The following ARID2 variants were observed in gnomAD, a reference collection of about 807,000 sequenced individuals.
ARID2 encodes the protein AT-rich interactive domain-containing protein 2.
In ARID2, 32 loss-of-function variants were observed where a neutral mutation model predicts 184.6. That is an observed-to-expected ratio of 0.17 (90% CI 0.13 to 0.23). ARID2 has a LOEUF of 0.23. ARID2 is among the 10% of genes least tolerant of loss of function. The pLI, the probability that ARID2 is intolerant of heterozygous loss-of-function variation, is 1.00. For missense variants in ARID2, 1,696 were observed against 2,197.6 expected (o/e 0.77, Z 4.56); for synonymous variants, 836 against 772.6 (o/e 1.08, Z -1.36).
At chr12:45,772,176 A>C (rs1941890638) in intron 3 of ARID2, among the ~76,000 whole-genome samples, 1 of 152,258 alleles carries the variant, frequency 6.6e-6, no homozygotes, top group Non-Finnish European at 1.5e-5. Context: ...AGAAAGCAAT[A>C]AAGAAGGAGG....
chr12:45,837,036 C>A, intron 8 of ARID2, 45 bp downstream of exon 8: 2 of 1,575,132 alleles, frequency 1.3e-6, no homozygotes, highest in Middle Eastern at 1.7e-4. Flanking sequence ...TAGTTAGCAA[C>A]ATTTATGTTA....
At chr12:45,828,339 G>T (rs11183216) in intron 6 of ARID2, among the ~76,000 whole-genome samples, 3,209 of 152,134 alleles carry the variant, frequency 0.021, 120 homozygotes, top group African/African-American at 0.073. Flanking sequence ...TACATTGCAT[G>T]AATATGCAGC....
intron 4 of ARID2, among the ~76,000 whole-genome samples, chr12:45,814,106 T>C (rs1942761961): frequency 6.6e-6 from 1 of 152,160 alleles, no homozygotes; most frequent in Non-Finnish European, 1.5e-5. Context: ...AAGGAAGATA[T>C]AAAAATTTTT....
intron 3 of ARID2, among the ~76,000 whole-genome samples, chr12:45,767,605 G>A: frequency 6.6e-6 from 1 of 152,168 alleles, no homozygotes; most frequent in East Asian, 1.9e-4. Flanking sequence ...GAGGCAGGAG[G>A]ATCACTTGAG....
intron 15 of ARID2, among the ~76,000 whole-genome samples, chr12:45,854,941 T>C (rs1592123627): frequency 1.3e-5 from 2 of 152,316 alleles, no homozygotes; most frequent in South Asian, 4.1e-4. Context: ...CCAACTAATA[T>C]GAGGTGGTAC....
intron 15 of ARID2, among the ~76,000 whole-genome samples, chr12:45,858,226 A>C (rs1168899121): frequency 6.6e-6 from 1 of 152,038 alleles, no homozygotes. Flanking sequence ...CATCCTGTTT[A>C]TCTCAACCAT....
chr12:45,797,433 C>T (rs902804313), intron 3 of ARID2, among the ~76,000 whole-genome samples: 1 of 152,150 alleles, frequency 6.6e-6, no homozygotes, highest in African/African-American at 2.4e-5. Context: ...TGGGTTTCGC[C>T]ATGTTGGCTA....
At chr12:45,865,590 C>A (rs1943819111) in intron 16 of ARID2, among the ~76,000 whole-genome samples, 1 of 151,988 alleles carries the variant, frequency 6.6e-6, no homozygotes, top group Non-Finnish European at 1.5e-5. Context: ...GGAAGGCTTT[C>A]TCTGTGCCCA....
intron 3 of ARID2, among the ~76,000 whole-genome samples, chr12:45,778,959 G>A (rs1371479658): frequency 6.6e-6 from 1 of 151,648 alleles, no homozygotes; most frequent in Non-Finnish European, 1.5e-5. Flanking sequence ...TTTAAAATTG[G>A]CATCACTCAT....
chr12:45,876,057 C>G (rs1328980826), intron 16 of ARID2, among the ~76,000 whole-genome samples: 1 of 152,222 alleles, frequency 6.6e-6, no homozygotes, highest in Non-Finnish European at 1.5e-5. Flanking sequence ...CTTTGCCATA[C>G]CTTTCTCACT....
intron 3 of ARID2, among the ~76,000 whole-genome samples, chr12:45,769,218 A>T (rs547526034): frequency 1.3e-5 from 2 of 152,308 alleles, no homozygotes; most frequent in East Asian, 3.9e-4. Flanking sequence ...TGTAAAAGTG[A>T]CCAGATTTTG....
intron 3 of ARID2, among the ~76,000 whole-genome samples, chr12:45,737,687 G>A (rs559033316): frequency 7.9e-5 from 12 of 152,222 alleles, no homozygotes; most frequent in South Asian, 4.1e-4. Context: ...AAGTGCTCCA[G>A]GTGATTCTTA....
chr12:45,866,121 G>C (rs565806497), intron 16 of ARID2, among the ~76,000 whole-genome samples: 4 of 151,788 alleles, frequency 2.6e-5, no homozygotes, highest in Non-Finnish European at 5.9e-5. Context: ...TCTAGAGCTT[G>C]CTTCAATAAT....
chr12:45,758,619 A>C (rs572956506), intron 3 of ARID2, among the ~76,000 whole-genome samples: 307 of 152,312 alleles, frequency 2.0e-3, no homozygotes, highest in Non-Finnish European at 3.7e-3. Flanking sequence ...ATAACAGTCC[A>C]AACATAAATA....
rs1340210304 is a variant in ARID2 at position 45,850,942 on chromosome 12, C to G, written c.2819C>G (p.Ala940Gly). Residue 940 changes from alanine to glycine, a missense_variant, in exon 15 of 21, where the codon GCA becomes GGA. Transcript: ENST00000334344. ...SQPAQQGQTY[A>G]PAIHQIVLAN... The stretch of plus-strand genomic sequence containing the variant: ...CCAGCTCAACAAGGTCAAACTTATG[C>G]ACCAGCCATTCACCAAATTGTTCTT... 1 of 1,614,182 alleles carries G rather than the reference C, an allele frequency of 6.2e-7. No homozygotes were observed. Among genetic ancestry groups the G allele is most frequent in the Non-Finnish European group, 8.5e-7 (1 of 1,180,024 alleles).
intron 3 of ARID2, among the ~76,000 whole-genome samples, chr12:45,745,688 C>T (rs1254918905): frequency 6.6e-6 from 1 of 152,148 alleles, no homozygotes; most frequent in East Asian, 1.9e-4. Flanking sequence ...GGTGGGACTA[C>T]AGGCACACAA....
intron 3 of ARID2, among the ~76,000 whole-genome samples, chr12:45,735,172 T>C (rs540304574): frequency 6.6e-6 from 1 of 152,132 alleles, no homozygotes; most frequent in Non-Finnish European, 1.5e-5. Context: ...GGAGTTTACA[T>C]TTGTTAGTTA....
chr12:45,813,458 T>TAAA (rs56373880), intron 4 of ARID2, among the ~76,000 whole-genome samples: 66 of 138,282 alleles, frequency 4.8e-4, no homozygotes, highest in African/African-American at 1.5e-3. Context: ...GCATGTGTTC[T>TAAA]AAAAAAAAAA....
intron 3 of ARID2, among the ~76,000 whole-genome samples, chr12:45,788,392 A>G (rs1348560120): frequency 6.6e-6 from 1 of 152,192 alleles, no homozygotes; most frequent in Non-Finnish European, 1.5e-5. Flanking sequence ...AAATGGCAGC[A>G]TTGGGATTCA....
Sources: allele counts gnomAD v4.1 joint callset (sites outside exome capture counted in the v4.1 genomes callset), GRCh38; gene constraint gnomAD v4.1.1; transcripts MANE v1.5; gene names NCBI Gene and HGNC (gene_info 2026-07-23, HGNC 2026-07-21).